The following MALRD1 variants were observed in gnomAD, a reference collection of about 807,000 sequenced individuals.
The protein encoded by MALRD1 is MAM and LDL receptor class A domain containing 1, also known as MAM and LDL-receptor class A domain-containing protein 1.
A neutral mutation model predicts 242.1 loss-of-function variants in MALRD1; 247 were observed. The observed-to-expected ratio is 1.02, with a 90% confidence interval of 0.92 to 1.13. The LOEUF (loss-of-function observed/expected upper bound fraction) is 1.13, where lower values mean the gene tolerates loss of function less well. Among genes scored for constraint, MALRD1 ranks in the 50% most tolerant of loss-of-function variants. The pLI, the probability that MALRD1 is intolerant of heterozygous loss-of-function variation, is 0.00. For synonymous variants in MALRD1, 995 were observed against 866.6 expected (o/e 1.15, Z -2.60); for missense variants, 2,989 against 2,533.1 (o/e 1.18, Z -3.86).
rs1836324428 is a variant in MALRD1, at chr10:19,567,820, A to G, written c.5680+117A>G. 4 of 909,240 alleles carry G rather than the reference A, an allele frequency of 4.4e-6. No individual in the cohort carries two copies. In the Admixed American group the frequency reaches 7.9e-5, roughly 18 times the overall value. 56.3% of individuals were successfully genotyped at this position (909,240 alleles called of 1,614,324 possible). A position where few individuals can be genotyped will look rare whatever the true frequency, so the allele number is the denominator to read the frequency against. ...TTTCTGGGTCCAGTTCTATTTACAC[A>G]TGGAAAAGAGTCACATATACTAAGA... On this transcript the variant is annotated intron_variant, in intron 33 of 39. Coordinates refer to ENST00000454679, the MANE Select transcript of MALRD1 (RefSeq NM_001142308.3).
chr10:19,528,025 C>T (rs1245682053), intron 31 of MALRD1, among the ~76,000 whole-genome samples: 1 of 152,186 alleles, frequency 6.6e-6, no homozygotes, highest in Non-Finnish European at 1.5e-5. Flanking sequence ...GCTTTGCATT[C>T]CACCTATGTT....
intron 18 of MALRD1, among the ~76,000 whole-genome samples, chr10:19,222,515 C>T (rs1385061722): frequency 1.3e-5 from 2 of 152,164 alleles, no homozygotes; most frequent in East Asian, 1.9e-4. Flanking sequence ...AAGAAAATTG[C>T]ATTAGATCAT....
intron 32 of MALRD1, among the ~76,000 whole-genome samples, chr10:19,565,975 A>C (rs777494331): frequency 1.3e-5 from 2 of 151,666 alleles, no homozygotes; most frequent in Non-Finnish European, 2.9e-5. Flanking sequence ...TTGATCTTAG[A>C]TTTCTTTTGT....
chr10:19,289,376 A>C (rs1188898229), intron 21 of MALRD1, among the ~76,000 whole-genome samples: 1 of 152,222 alleles, frequency 6.6e-6, no homozygotes, highest in Non-Finnish European at 1.5e-5. Flanking sequence ...TGTCTGGTGC[A>C]TAATAGGCCT....
chr10:19,087,710 G>C (rs563731322), intron 2 of MALRD1, 130 bp from the exon 3 acceptor site: 2 of 424,708 alleles, frequency 4.7e-6, no homozygotes, highest in Non-Finnish European at 8.0e-6. Context: ...ATCCAATCAC[G>C]CTCTTTTAGT....
intron 25 of MALRD1, among the ~76,000 whole-genome samples, chr10:19,351,313 G>A (rs1844366388): frequency 6.6e-6 from 1 of 151,930 alleles, no homozygotes; most frequent in African/African-American, 2.4e-5. Context: ...TTTTTTCACT[G>A]TGTGACAATC....
At chr10:19,713,719 T>C (rs1834249580) in intron 38 of MALRD1, among the ~76,000 whole-genome samples, 1 of 152,174 alleles carries the variant, frequency 6.6e-6, no homozygotes, top group Admixed American at 6.5e-5. Context: ...TGGAAAAATA[T>C]TTTATTGCAA....
intron 21 of MALRD1, among the ~76,000 whole-genome samples, chr10:19,318,094 TG>T (rs1395346440): frequency 9.9e-5 from 15 of 152,046 alleles, no homozygotes; most frequent in African/African-American, 3.6e-4. Context: ...CTGTTAGCTG[TG>T]GTCATTACTG....
chr10:19,632,625 G>A (rs141127916), intron 36 of MALRD1, among the ~76,000 whole-genome samples: 2 of 152,080 alleles, frequency 1.3e-5, no homozygotes, highest in East Asian at 3.9e-4. Flanking sequence ...ACTTATTCAA[G>A]GATGTCAGAA....
intron 18 of MALRD1, among the ~76,000 whole-genome samples, chr10:19,246,184 A>G (rs1242610519): frequency 6.6e-6 from 1 of 152,130 alleles, no homozygotes; most frequent in Non-Finnish European, 1.5e-5. Context: ...CCTCTACTTT[A>G]TCTGCTTAGC....
At chr10:19,142,453 T>G (rs1218303658) in intron 10 of MALRD1, among the ~76,000 whole-genome samples, 1 of 152,178 alleles carries the variant, frequency 6.6e-6, no homozygotes, top group Non-Finnish European at 1.5e-5. Flanking sequence ...TGATCCAGAT[T>G]TTTTCTCAGC....
intron 21 of MALRD1, among the ~76,000 whole-genome samples, chr10:19,298,068 C>T (rs1406630695): frequency 6.6e-6 from 1 of 151,962 alleles, no homozygotes; most frequent in Non-Finnish European, 1.5e-5. Context: ...GTTTATTTAG[C>T]TCATGGTCTG....
intron 34 of MALRD1, among the ~76,000 whole-genome samples, chr10:19,605,187 G>T (rs1165491102): frequency 6.7e-6 from 1 of 148,540 alleles, no homozygotes; most frequent in South Asian, 2.1e-4. Context: ...ACAGAATCTT[G>T]CTCCATTCCC....
At chr10:19,312,957 A>T (rs539436378) in intron 21 of MALRD1, among the ~76,000 whole-genome samples, 17 of 151,610 alleles carry the variant, frequency 1.1e-4, no homozygotes, top group African/African-American at 4.1e-4. Flanking sequence ...AGAGGTCAAG[A>T]ATTTAGTATG....
intron 38 of MALRD1, among the ~76,000 whole-genome samples, chr10:19,705,804 T>TGAAAAAAAAAAA (rs71388859): frequency 1.4e-4 from 14 of 102,896 alleles, no homozygotes; most frequent in Non-Finnish European, 2.3e-4. Context: ...CCTGCAATAG[T>TGAAAAAAAAAAA]AAAAAAAAAA....
intron 28 of MALRD1, among the ~76,000 whole-genome samples, chr10:19,428,808 T>C (rs568514219): frequency 3.8e-4 from 58 of 152,342 alleles, no homozygotes; most frequent in African/African-American, 1.3e-3. Flanking sequence ...TGAAATTAGC[T>C]GTAGACTCTT....
At chr10:19,570,968 ATTG>A (rs1488266935) in intron 33 of MALRD1, among the ~76,000 whole-genome samples, 1 of 152,090 alleles carries the variant, frequency 6.6e-6, no homozygotes, top group East Asian at 1.9e-4. Flanking sequence ...TTTTGGGTTA[ATTG>A]TTGTTTTAAT....
At chr10:19,239,135 G>A (rs115892695) in intron 18 of MALRD1, among the ~76,000 whole-genome samples, 1,681 of 151,110 alleles carry the variant, frequency 0.011, 30 homozygotes, top group African/African-American at 0.039. Flanking sequence ...CGGGGCTCAC[G>A]GCAACCTCCA....
intron 26 of MALRD1, among the ~76,000 whole-genome samples, chr10:19,357,329 G>A (rs962748413): frequency 6.6e-6 from 1 of 151,660 alleles, no homozygotes; most frequent in African/African-American, 2.4e-5. Flanking sequence ...AGAGGTAACT[G>A]CCCATGTAAT....
Sources: allele counts gnomAD v4.1 joint callset (sites outside exome capture counted in the v4.1 genomes callset), GRCh38; gene constraint gnomAD v4.1.1; transcripts MANE v1.5; gene names NCBI Gene and HGNC (gene_info 2026-07-23, HGNC 2026-07-21).